Variants in CAB39 observed in about 807,000 individuals in gnomAD.
CAB39 encodes calcium-binding protein 39.
A neutral mutation model predicts 40.0 loss-of-function variants in CAB39; 8 were observed. That is an observed-to-expected ratio of 0.20 (90% CI 0.12 to 0.36). CAB39 has a LOEUF of 0.36. Ranked by LOEUF, CAB39 falls within the 10% of genes least tolerant of loss-of-function variation. The pLI is 1.00. For synonymous variants in CAB39, 156 were observed against 141.6 expected, an observed-to-expected ratio of 1.10 and a Z score of -0.72; for missense variants, 270 against 401.1, an observed-to-expected ratio of 0.67 and a Z score of 2.79.
intron 2 of CAB39, among the ~76,000 whole-genome samples, chr2:230,788,800 A>AT (rs1695842002): frequency 1.3e-5 from 2 of 152,120 alleles, no homozygotes; most frequent in East Asian, 1.9e-4. Context: ...TGTCCATAGT[A>AT]TTTTTTCCCT....
intron 1 of CAB39, among the ~76,000 whole-genome samples, chr2:230,741,995 TAGA>T (rs1694885987): frequency 6.6e-6 from 1 of 152,198 alleles, no homozygotes; most frequent in African/African-American, 2.4e-5. Flanking sequence ...GAGATGCTAC[TAGA>T]ATGGCTTATT....
intron 1 of CAB39, among the ~76,000 whole-genome samples, chr2:230,748,089 T>C (rs1011889001): frequency 6.6e-6 from 1 of 152,206 alleles, no homozygotes; most frequent in Non-Finnish European, 1.5e-5. Flanking sequence ...GAGGCTCTTA[T>C]TATTTAAGTC....
chr2:230,722,172 A>G (rs1694465955), intron 1 of CAB39, among the ~76,000 whole-genome samples: 2 of 152,152 alleles, frequency 1.3e-5, no homozygotes, highest in Admixed American at 6.5e-5. Flanking sequence ...CTTACTACAT[A>G]GAATGCATTC....
intron 2 of CAB39, among the ~76,000 whole-genome samples, chr2:230,790,440 A>G (rs1695874440): frequency 6.6e-6 from 1 of 152,074 alleles, no homozygotes; most frequent in South Asian, 2.1e-4. Flanking sequence ...TTTCTGTGAT[A>G]AGACTTGTAC....
intron 2 of CAB39, among the ~76,000 whole-genome samples, chr2:230,765,500 A>G (rs1034843831): frequency 4.0e-4 from 61 of 152,166 alleles, no homozygotes; most frequent in Admixed American, 4.0e-3. Flanking sequence ...AAGGCTGTGT[A>G]TGAGAGTGGC....
intron 2 of CAB39, among the ~76,000 whole-genome samples, chr2:230,777,357 T>TG (rs370444763): frequency 4.3e-4 from 63 of 146,200 alleles, no homozygotes; most frequent in African/African-American, 1.7e-3. Context: ...GTTGGTGTTT[T>TG]TTTTGTTTTT....
chr2:230,762,095 A>G (rs994764449), intron 2 of CAB39, among the ~76,000 whole-genome samples: 1 of 152,006 alleles, frequency 6.6e-6, no homozygotes, highest in Non-Finnish European at 1.5e-5. Context: ...TTTAGTAGAG[A>G]CGGGGTTTCA....
rs1696451824 is a variant in CAB39 at position 230,818,834 on chromosome 2, C to T, written c.*130C>T. 4 of 754,878 alleles carry T rather than the reference C, an allele frequency of 5.3e-6. No individual in the cohort carries two copies. The Admixed American group carries it at 1.2e-4, about 22-fold the overall frequency. 46.8% of individuals were successfully genotyped at this position (754,878 alleles called of 1,614,324 possible). On this transcript the variant is annotated 3_prime_UTR_variant, in exon 9 of 9. Transcript: ENST00000258418. ...GTTAAGTGAACGGTTTTTCATTTTA[C>T]CCTTTTGTTTTTCAGTCCAGGTTGG...
chr2:230,773,004 CT>C (rs1390289119), intron 2 of CAB39, among the ~76,000 whole-genome samples: 1 of 125,910 alleles, frequency 7.9e-6, no homozygotes, highest in Non-Finnish European at 1.6e-5. Context: ...AAAAAAAAAA[CT>C]ATTGCTGTAT....
rs1695561923 is a variant in CAB39 at position 230,775,071 on chromosome 2, T to C, written c.114+14956T>C. On this transcript the variant is annotated intron_variant, in intron 2 of 8. Coordinates refer to ENST00000258418, the MANE Select transcript of CAB39 (RefSeq NM_016289.4). ...TCTCTTCTTGTAGAATGAATTGATA[T>C]TTCAGGCAGTAAATATAAATGGGTA... is the stretch of plus-strand genomic sequence containing the variant. Among the ~76,000 whole-genome samples the C allele has an allele frequency of 2.0e-5, 3 of 152,166 alleles. 1 individual carries two copies. The South Asian group carries it at 6.2e-4, about 32-fold the overall frequency.
chr2:230,761,173 A>G (rs1013386857), intron 2 of CAB39, among the ~76,000 whole-genome samples: 1 of 152,152 alleles, frequency 6.6e-6, no homozygotes, highest in Non-Finnish European at 1.5e-5. Context: ...TTGTATACAT[A>G]GACTGAAGGT....
intron 1 of CAB39, among the ~76,000 whole-genome samples, chr2:230,732,071 T>C (rs1189569066): frequency 1.3e-5 from 2 of 151,610 alleles, no homozygotes; most frequent in South Asian, 4.2e-4. Flanking sequence ...TTGGTGAAAT[T>C]ATCTCTCTCT....
At chr2:230,765,405 G>GA (rs1261208384) in intron 2 of CAB39, among the ~76,000 whole-genome samples, 1 of 152,166 alleles carries the variant, frequency 6.6e-6, no homozygotes, top group East Asian at 1.9e-4. Context: ...CATGTCTTAT[G>GA]AAAACAGCCT....
Position 230,737,176 on chromosome 2 carries a change from T to A in CAB39, c.-43-22783T>A, listed in dbSNP as rs575751361. Among the ~76,000 whole-genome samples, 77 of 152,318 alleles carry A rather than the reference T, an allele frequency of 5.1e-4. 1 individual carries two copies. The highest frequency in any genetic ancestry group is 1.7e-3 in the African/African-American group (69 of 41,580). On this transcript the variant is annotated intron_variant, in intron 1 of 8. Transcript: ENST00000258418. ...TTTTAGAAAAAATTTTTTAAATTGATGACACTGAAACCCAATATGTAAAAC... is the reference window on the plus strand; with the variant it reads ...TTTTAGAAAAAATTTTTTAAATTGAAGACACTGAAACCCAATATGTAAAAC...
chr2:230,771,750 T>C (rs1559604739), intron 2 of CAB39, among the ~76,000 whole-genome samples: 2 of 152,174 alleles, frequency 1.3e-5, no homozygotes, highest in African/African-American at 2.4e-5. Flanking sequence ...AGTGCAAAGA[T>C]AGATATATTA....
At chr2:230,754,030 A>G (rs1237387166) in intron 1 of CAB39, among the ~76,000 whole-genome samples, 9 of 152,236 alleles carry the variant, frequency 5.9e-5, no homozygotes, top group Admixed American at 4.6e-4. Context: ...ACTTAGAAGT[A>G]GTTTGGGGAG....
rs1559600875 is a variant in CAB39 at position 230,759,950 on chromosome 2, G to A, written c.-43-9G>A. ...TGTTTGCTCACATGAACCTTGTGCTGTGTTCTAGGTAGCACAGGCGGAGTG... is the reference window on the plus strand; with the variant it reads ...TGTTTGCTCACATGAACCTTGTGCTATGTTCTAGGTAGCACAGGCGGAGTG... On this transcript the variant is annotated splice_polypyrimidine_tract_variant and intron_variant, in intron 1 of 8. Coordinates refer to ENST00000258418, the MANE Select transcript of CAB39 (RefSeq NM_016289.4). 2 of 914,562 alleles carry A rather than the reference G, an allele frequency of 2.2e-6. No individual in the cohort carries two copies. The highest frequency in any genetic ancestry group is 3.6e-6 in the Non-Finnish European group (2 of 559,854). The allele number at this position is 914,562 out of a possible 1,614,324, so 56.7% of individuals were successfully genotyped here. A position where few individuals can be genotyped will look rare whatever the true frequency, so the allele number is the denominator to read the frequency against.
At chr2:230,780,583 C>T (rs528412870) in intron 2 of CAB39, among the ~76,000 whole-genome samples, 24 of 152,230 alleles carry the variant, frequency 1.6e-4, no homozygotes, top group African/African-American at 5.8e-4. Context: ...TATAGAGTGT[C>T]CCTTGATTTA....
At chr2:230,769,557 T>C (rs1169429878) in intron 2 of CAB39, among the ~76,000 whole-genome samples, 1 of 152,222 alleles carries the variant, frequency 6.6e-6, no homozygotes, top group African/African-American at 2.4e-5. Context: ...AGTTATACAA[T>C]GGATGTTCCA....
Sources: allele counts gnomAD v4.1 joint callset (sites outside exome capture counted in the v4.1 genomes callset), GRCh38; gene constraint gnomAD v4.1.1; transcripts MANE v1.5; gene names NCBI Gene and HGNC (gene_info 2026-07-23, HGNC 2026-07-21).